FAM9B: variants seen among roughly 807,000 people sequenced by gnomAD.
FAM9B encodes the protein protein FAM9B.
Under a neutral mutation model 16.6 loss-of-function variants are expected in FAM9B, and 18 were observed. The observed-to-expected ratio is 1.09, with a 90% confidence interval of 0.75 to 1.61. FAM9B has a LOEUF of 1.61. FAM9B is among the 40% of genes most tolerant of loss of function. The pLI is 0.00. For synonymous variants in FAM9B, 43 were observed against 42.6 expected (o/e 1.01, Z -0.03); for missense variants, 155 against 136.0 (o/e 1.14, Z -0.70).
rs140135828 is a variant in FAM9B, at chrX:9,029,309, T to C, written c.391A>G (p.Ile131Val). Residue 131 changes from isoleucine (I) to valine (V), a missense_variant and splice_region_variant, in exon 6 of 9, where the codon ATT becomes GTT. Coordinates refer to ENST00000327220, the MANE Select transcript of FAM9B (RefSeq NM_205849.3). The part of the protein sequence containing the change: ...EEEEGEEEEL[I>V]RIFQEQQKKW... ...ATAAAGCTAAGCATGATACCAACAA[T>C]TAGTTCTTCCTCTTCTCCCTCTTCT... 29 of 1,184,987 alleles carry C rather than the reference T, an allele frequency of 2.4e-5. No individual in the cohort carries two copies. In the African/African-American group the frequency reaches 4.4e-4, roughly 18 times the overall value.
intron 4 of FAM9B, chrX:9,030,792 C>G (rs1213998629): frequency 8.9e-6 from 1 of 112,371 alleles, no homozygotes; most frequent in Non-Finnish European, 1.9e-5. Context: ...ATAGAACCCT[C>G]AAAAGGGTAG....
chrX:9,033,096 C>CAG, intron 1 of FAM9B, 21 bp from the exon 2 acceptor site: 1 of 1,197,211 alleles, frequency 8.4e-7, no homozygotes, highest in Non-Finnish European at 1.1e-6. Flanking sequence ...CAAAGACACA[C>CAG]TAAGGAAGCT....
chrX:9,032,597 T>C, intron 2 of FAM9B, 136 bp from the exon 3 acceptor site: 1 of 861,638 alleles, frequency 1.2e-6, no homozygotes. Flanking sequence ...AAAGCAGAGC[T>C]ATACATGGAA....
chrX:9,029,108 T>C (rs1444129448), intron 6 of FAM9B, among the ~76,000 whole-genome samples, 199 bp downstream of exon 6: 2 of 111,743 alleles, frequency 1.8e-5, no homozygotes, highest in Admixed American at 9.6e-5. Flanking sequence ...TACTTTAACT[T>C]CTTCATCGTT....
chrX:9,033,541 TCA>T (rs1432550491), intron 1 of FAM9B, among the ~76,000 whole-genome samples: 1 of 99,704 alleles, frequency 1.0e-5, no homozygotes. Flanking sequence ...AGGGCCCCAC[TCA>T]GACTGTCCCC....
intron 2 of FAM9B, 170 bp from the exon 3 acceptor site, chrX:9,032,631 C>T: frequency 1.2e-6 from 1 of 804,279 alleles, no homozygotes. Context: ...ACCATTTTAT[C>T]GAGGGACTTT....
At chrX:9,030,189 T>C (rs980426472) in intron 5 of FAM9B, 72 bp downstream of exon 5, 27 of 1,157,757 alleles carry the variant, frequency 2.3e-5, no homozygotes, top group Non-Finnish European at 3.0e-5. Flanking sequence ...GGATAGTTTT[T>C]GAAATTATTT....
rs1920958435 is a variant in FAM9B at position 9,025,323 on chromosome X, A to G, written c.*86T>C. ...ATAGGTTCAAGTTCTTTCTTCAGTC[A>G]TCAGAATAACAGAGGTTGAAGAGAC... On this transcript the variant is annotated 3_prime_UTR_variant, in exon 9 of 9. Coordinates refer to ENST00000327220, the MANE Select transcript of FAM9B (RefSeq NM_205849.3). 1 of 360,383 alleles carries G rather than the reference A, an allele frequency of 2.8e-6. No individual in the cohort carries two copies. The highest frequency in any genetic ancestry group is 2.6e-5 in the African/African-American group (1 of 38,243). The allele number at this position is 360,383 out of a possible 1,213,427, so 29.7% of individuals were successfully genotyped here.
chrX:9,024,456 A>C lies in FAM9B; in HGVS notation c.*953T>G, dbSNP rs1221455372. On this transcript the variant is annotated 3_prime_UTR_variant, in exon 9 of 9. Transcript: ENST00000327220. ...ATTTTGATGTCTGTGGAAATGACAT[A>C]CCCACAAACCAGTGGCTCAGCACTG... 8.9e-6 allele frequency: 1 copy of C among 112,030 alleles called. No individual in the cohort carries two copies. Among genetic ancestry groups the C allele is most frequent in the African/African-American group, 3.2e-5 (1 of 30,879 alleles). The allele number at this position is 112,030 out of a possible 1,213,427, so 9.2% of individuals were successfully genotyped here.
chrX:9,032,201 C>A, intron 3 of FAM9B, 40 bp from the exon 4 acceptor site: 1 of 1,197,002 alleles, frequency 8.4e-7, no homozygotes, highest in Non-Finnish European at 1.1e-6. Flanking sequence ...CAAAATACTA[C>A]ACAAAATGCC....
rs1261991542 is a variant in FAM9B, at chrX:9,033,780, C to T, written c.-90+72G>A. ...ATTTCCTCACAGGTCGGCGGGCTGC[C>T]CAGCGCTTCACACCCTGGTTCCCAG... On this transcript the variant is annotated intron_variant, in intron 1 of 8. Coordinates refer to ENST00000327220, the MANE Select transcript of FAM9B (RefSeq NM_205849.3). 1.2e-5 allele frequency: 9 copies of T among 745,152 alleles called. No individual in the cohort carries two copies. In the African/African-American group the frequency reaches 1.7e-4, roughly 14 times the overall value. 61.4% of individuals were successfully genotyped at this position (745,152 alleles called of 1,213,427 possible). A position where few individuals can be genotyped will look rare whatever the true frequency, so the allele number is the denominator to read the frequency against.
Position 9,032,280 on chromosome X carries a change from C to T in FAM9B, c.149+61G>A, listed in dbSNP as rs5979009. The T allele has an allele frequency of 5.0e-3, 5,991 of 1,204,583 alleles. 167 individuals are homozygous for T. In the African/African-American group the frequency reaches 0.081, roughly 16 times the overall value. On this transcript the variant is annotated intron_variant, in intron 3 of 8. Transcript: ENST00000327220. ...TAGAATAGAACAGTGATGACATGGT[C>T]CAAAGCTGACTTTTCCTAAAAGACC...
intron 7 of FAM9B, among the ~76,000 whole-genome samples, chrX:9,027,615 A>C (rs1051308058): frequency 1.8e-4 from 20 of 111,841 alleles, no homozygotes; most frequent in African/African-American, 6.5e-4. Flanking sequence ...TTTTATACAT[A>C]AGATGTGTAT....
At chrX:9,032,034 A>T in intron 4 of FAM9B, 96 bp downstream of exon 4, 2 of 778,141 alleles carry the variant, frequency 2.6e-6, no homozygotes, top group Non-Finnish European at 3.7e-6. Flanking sequence ...AAGCCATTTA[A>T]GACAGTCTTG....
chrX:9,032,638 C>T (rs1921117457), intron 2 of FAM9B, 177 bp from the exon 3 acceptor site: 1 of 748,543 alleles, frequency 1.3e-6, no homozygotes. Context: ...TATCGAGGGA[C>T]TTTTGGAAGC....
At chrX:9,030,866 G>A (rs1921053636) in intron 4 of FAM9B, 1 of 111,842 alleles carries the variant, frequency 8.9e-6, no homozygotes, top group Admixed American at 9.5e-5. Flanking sequence ...GCTATTAACT[G>A]TATTTTAATA....
rs372765352 is a variant in FAM9B at position 9,025,602 on chromosome X, T to G, written c.493-19A>C. On this transcript the variant is annotated intron_variant, in intron 7 of 8. Transcript: ENST00000327220. ...CAAGAGCCTAAAAGAAAAAGTCTAG[T>G]TCACTGACAAACCACCACTTTATAT... 3.4e-5 allele frequency: 40 copies of G among 1,165,354 alleles called. No homozygotes were observed. Among genetic ancestry groups the G allele is most frequent in the Non-Finnish European group, 4.2e-5 (36 of 862,108 alleles).
Position 9,032,347 on chromosome X carries a change from T to C in FAM9B, c.143A>G (p.His48Arg), listed in dbSNP as rs1404540469. The C allele has an allele frequency of 4.1e-6, 5 of 1,211,136 alleles. No individual in the cohort carries two copies. Among genetic ancestry groups the C allele is most frequent in the Non-Finnish European group, 5.6e-6 (5 of 895,382 alleles). The change falls in exon 3 of 9, where the codon CAC becomes CGC. Residue 48 changes from histidine to arginine, a missense_variant. Coordinates refer to ENST00000327220, the MANE Select transcript of FAM9B (RefSeq NM_205849.3). ...AGTGACTTAAACACTTTACCCCGTG[T>C]GTTCATCTGTTTCAGCAAAAGGTTC... ...EREPFAETDE[H>R]TGANTKKPED...
rs1921173489 is a variant in FAM9B at position 9,033,865 on chromosome X, G to C, written c.-103C>G. On this transcript the variant is annotated 5_prime_UTR_variant, in exon 1 of 9. The change creates a new upstream start codon in the 5' untranslated region. Transcript: ENST00000327220. ...CGAGTGCTTCACCTGAGGGACCCCT[G>C]ATGTGGCGCCCTCAAAGAACCTGCA... is the stretch of plus-strand genomic sequence containing the variant. 4.0e-6 allele frequency: 3 copies of C among 752,963 alleles called. No homozygotes were observed. Among genetic ancestry groups the C allele is most frequent in the Non-Finnish European group, 3.1e-6 (2 of 639,033 alleles). 62.1% of individuals were successfully genotyped at this position (752,963 alleles called of 1,213,427 possible).
Sources: allele counts gnomAD v4.1 joint callset (sites outside exome capture counted in the v4.1 genomes callset), GRCh38; gene constraint gnomAD v4.1.1; transcripts MANE v1.5; gene names NCBI Gene and HGNC (gene_info 2026-07-23, HGNC 2026-07-21).